Variants in DLGAP4 observed in about 807,000 individuals in gnomAD.
The protein encoded by DLGAP4 is DLG associated protein 4.
A neutral mutation model predicts 86.9 loss-of-function variants in DLGAP4; 18 were observed. The observed-to-expected ratio is 0.21, with a 90% confidence interval of 0.14 to 0.31. DLGAP4 has a LOEUF of 0.31. Ranked by LOEUF, DLGAP4 falls within the 10% of genes least tolerant of loss-of-function variation. The pLI is 1.00. For missense variants in DLGAP4, 1,085 were observed against 1,362.6 expected, an observed-to-expected ratio of 0.80 and a Z score of 3.21; for synonymous variants, 548 against 574.3, an observed-to-expected ratio of 0.95 and a Z score of 0.65.
intron 10 of DLGAP4, among the ~76,000 whole-genome samples, chr20:36,513,777 C>T (rs2036871598): frequency 6.6e-6 from 1 of 151,976 alleles, no homozygotes; most frequent in South Asian, 2.1e-4. Flanking sequence ...AGTAAGGGAG[C>T]CAAACATGGC....
At chr20:36,467,063 T>TCCCCCC (rs562510099) in intron 7 of DLGAP4, among the ~76,000 whole-genome samples, 1 of 39,350 alleles carries the variant, frequency 2.5e-5, no homozygotes, top group African/African-American at 1.2e-4. Context: ...TCTCTCTCTC[T>TCCCCCC]CCCCCCCCCT....
chr20:36,498,973 C>T (rs1441339601), intron 8 of DLGAP4: 1 of 451,712 alleles, frequency 2.2e-6, no homozygotes, highest in Non-Finnish European at 4.0e-6. Flanking sequence ...AAGGTAACCT[C>T]AGCCAAGTGT....
chr20:36,313,424 A>G (rs1482869139), intron 1 of DLGAP4, among the ~76,000 whole-genome samples: 4 of 152,164 alleles, frequency 2.6e-5, no homozygotes, highest in African/African-American at 9.7e-5. Flanking sequence ...GAGTCTCAGC[A>G]TGCCAAGGCC....
chr20:36,407,511 C>T (rs753951832), intron 2 of DLGAP4, among the ~76,000 whole-genome samples: 13 of 152,040 alleles, frequency 8.6e-5, no homozygotes, highest in African/African-American at 3.1e-4. Context: ...GAGAAGACTC[C>T]AGAGTTGCTG....
chr20:36,311,374 T>C (rs1468979301), intron 1 of DLGAP4, among the ~76,000 whole-genome samples: 1 of 152,098 alleles, frequency 6.6e-6, no homozygotes, highest in Non-Finnish European at 1.5e-5. Context: ...GTGCTGGGTT[T>C]CGCAACGCCG....
chr20:36,371,226 A>C (rs2030919580), intron 2 of DLGAP4, among the ~76,000 whole-genome samples: 1 of 152,194 alleles, frequency 6.6e-6, no homozygotes, highest in South Asian at 2.1e-4. Flanking sequence ...CTGAACTGAC[A>C]CTAGGGACAT....
At chr20:36,464,012 C>T (rs761686162) in intron 7 of DLGAP4, among the ~76,000 whole-genome samples, 20 of 152,296 alleles carry the variant, frequency 1.3e-4, no homozygotes, top group Middle Eastern at 3.4e-3. Flanking sequence ...TATCACCTGC[C>T]CCTGGTGTAT....
chr20:36,505,471 CCTT>C (rs1252464435), intron 10 of DLGAP4, among the ~76,000 whole-genome samples: 3 of 152,086 alleles, frequency 2.0e-5, no homozygotes, highest in Admixed American at 2.0e-4. Flanking sequence ...TCTATGGACC[CCTT>C]CTTAGAATAG....
intron 2 of DLGAP4, among the ~76,000 whole-genome samples, chr20:36,411,872 G>A (rs1166561594): frequency 2.6e-5 from 4 of 152,168 alleles, no homozygotes; most frequent in Non-Finnish European, 2.9e-5. Flanking sequence ...GCTCTTCCCT[G>A]TACCTTTGTC....
At chr20:36,339,994 G>C (rs370040218) in intron 1 of DLGAP4, among the ~76,000 whole-genome samples, 2 of 152,208 alleles carry the variant, frequency 1.3e-5, no homozygotes, top group African/African-American at 2.4e-5. Context: ...GCCGCAGAGC[G>C]GGGAAGGAGA....
At chr20:36,449,934 C>A (rs991097414) in intron 7 of DLGAP4, among the ~76,000 whole-genome samples, 2 of 152,238 alleles carry the variant, frequency 1.3e-5, no homozygotes, top group Non-Finnish European at 2.9e-5. Context: ...TGTCTTTCAT[C>A]CTCCTCCTGG....
At chr20:36,339,219 C>T (rs6025252) in intron 1 of DLGAP4, among the ~76,000 whole-genome samples, 4,137 of 151,996 alleles carry the variant, frequency 0.027, 180 homozygotes, top group African/African-American at 0.095. Flanking sequence ...TCCCAAGTAG[C>T]TGGGACTGAA....
At chr20:36,511,176 TA>T (rs2056497057) in intron 10 of DLGAP4, 1 of 152,220 alleles carries the variant, frequency 6.6e-6, no homozygotes, top group South Asian at 2.1e-4. Flanking sequence ...GTAATTTCTC[TA>T]TGAAGGTCTT....
At chr20:36,438,128 C>T (rs2033339289) in intron 4 of DLGAP4, among the ~76,000 whole-genome samples, 1 of 152,078 alleles carries the variant, frequency 6.6e-6, no homozygotes, top group Admixed American at 6.6e-5. Context: ...AATCCCTGCA[C>T]TTTGGGAGGC....
chr20:36,420,561 G>A (rs186629861), intron 2 of DLGAP4, among the ~76,000 whole-genome samples: 195 of 152,286 alleles, frequency 1.3e-3, no homozygotes, highest in African/African-American at 4.4e-3. Flanking sequence ...TTTTTGGCCA[G>A]GCGCAGTGAC....
chr20:36,312,514 G>A (rs984466227), intron 1 of DLGAP4, among the ~76,000 whole-genome samples: 1 of 152,154 alleles, frequency 6.6e-6, no homozygotes, highest in African/African-American at 2.4e-5. Flanking sequence ...TGGAACATTT[G>A]GTGCATGAGG....
chr20:36,496,586 A>T, intron 7 of DLGAP4, 119 bp from the exon 8 acceptor site: 1 of 1,454,522 alleles, frequency 6.9e-7, no homozygotes, highest in Non-Finnish European at 9.1e-7. Flanking sequence ...TTGCGGACGG[A>T]ATGGCTAAGC....
At chr20:36,520,233 G>C (rs761161929) in intron 10 of DLGAP4, among the ~76,000 whole-genome samples, 5 of 152,096 alleles carry the variant, frequency 3.3e-5, no homozygotes, top group African/African-American at 4.8e-5. Flanking sequence ...TTATCTTTTT[G>C]TTGTTCAGTT....
chr20:36,496,745 G>A lies in DLGAP4; in HGVS notation c.1689G>A (p.Pro563=), dbSNP rs764151617. 9.9e-6 allele frequency: 16 copies of A among 1,608,886 alleles called. No individual in the cohort carries two copies. The highest frequency in any genetic ancestry group is 4.5e-5 in the East Asian group (2 of 44,700). Residue 563 remains proline, a synonymous_variant, in exon 8 of 13, where the codon CCG becomes CCA. Transcript: ENST00000339266. ...CLVAYKKTPP[P]VPPRTTSKPF... ...TGGCGTATAAGAAGACCCCGCCACC[G>A]GTCCCTCCACGCACCACTTCAAAGC... is the stretch of plus-strand genomic sequence containing the variant.
Sources: allele counts gnomAD v4.1 joint callset (sites outside exome capture counted in the v4.1 genomes callset), GRCh38; gene constraint gnomAD v4.1.1; transcripts MANE v1.5; gene names NCBI Gene and HGNC (gene_info 2026-07-23, HGNC 2026-07-21).